The following SLC26A7 variants were observed in gnomAD, a reference collection of about 807,000 sequenced individuals.
SLC26A7 encodes the protein solute carrier family 26 member 7, also known as anion exchange transporter.
A neutral mutation model predicts 82.5 loss-of-function variants in SLC26A7; 59 were observed. The observed-to-expected ratio is 0.72, with a 90% CI of 0.58 to 0.89. The LOEUF (loss-of-function observed/expected upper bound fraction) is 0.89, where lower values mean the gene tolerates loss of function less well. SLC26A7 is among the 40% of genes least tolerant of loss of function. SLC26A7 has a pLI of 0.00. For synonymous variants in SLC26A7, 271 were observed against 274.3 expected (o/e 0.99, Z 0.12); for missense variants, 820 against 793.0 (o/e 1.03, Z -0.41).
At chr8:91,309,739 C>T (rs1323313546) in intron 4 of SLC26A7, among the ~76,000 whole-genome samples, 1 of 152,076 alleles carries the variant, frequency 6.6e-6, no homozygotes, top group African/African-American at 2.4e-5. Flanking sequence ...CACTATTTGA[C>T]CTTTTGACTT....
intron 15 of SLC26A7, among the ~76,000 whole-genome samples, chr8:91,385,661 A>G (rs1041796496): frequency 6.6e-6 from 1 of 152,222 alleles, no homozygotes; most frequent in Admixed American, 6.5e-5. Flanking sequence ...TGGATAAAAA[A>G]ATAAAGACGA....
chr8:91,291,564 G>C (rs1052881066), intron 3 of SLC26A7, among the ~76,000 whole-genome samples: 1 of 151,976 alleles, frequency 6.6e-6, no homozygotes, highest in Non-Finnish European at 1.5e-5. Flanking sequence ...AAAGAAAAAG[G>C]CAAAACAAGT....
intron 2 of SLC26A7, among the ~76,000 whole-genome samples, chr8:91,235,850 A>G (rs960344411): frequency 5.3e-5 from 8 of 152,176 alleles, no homozygotes; most frequent in Non-Finnish European, 8.8e-5. Flanking sequence ...TGTGACTTCT[A>G]TAATATGCTC....
At chr8:91,326,276 A>G (rs2130819183) in intron 5 of SLC26A7, among the ~76,000 whole-genome samples, 1 of 152,304 alleles carries the variant, frequency 6.6e-6, no homozygotes, top group African/African-American at 2.4e-5. Flanking sequence ...GGGCTGCCAC[A>G]ATAAACTATC....
chr8:91,311,747 A>C (rs1332736359), intron 4 of SLC26A7, among the ~76,000 whole-genome samples: 1 of 152,180 alleles, frequency 6.6e-6, no homozygotes, highest in Non-Finnish European at 1.5e-5. Context: ...CAATATTTAA[A>C]GGGGAAAAGC....
chr8:91,369,898 ATCT>A (rs1039355444), intron 15 of SLC26A7, 65 bp downstream of exon 15: 21 of 1,294,842 alleles, frequency 1.6e-5, no homozygotes, highest in Non-Finnish European at 2.1e-5. Context: ...AGAGAATAAA[ATCT>A]TCTTCCCCTT....
intron 2 of SLC26A7, among the ~76,000 whole-genome samples, chr8:91,255,826 T>C (rs1183973829): frequency 6.6e-6 from 1 of 152,140 alleles, no homozygotes; most frequent in Non-Finnish European, 1.5e-5. Flanking sequence ...CTGTCCATAT[T>C]GAAGAACCAT....
chr8:91,359,493 C>T (rs898931414), intron 11 of SLC26A7, among the ~76,000 whole-genome samples: 2 of 152,064 alleles, frequency 1.3e-5, no homozygotes, highest in East Asian at 3.9e-4. Context: ...TTTGTAGTCT[C>T]CTACTTAGAC....
chr8:91,362,852 T>G (rs1814087723), intron 12 of SLC26A7, among the ~76,000 whole-genome samples: 1 of 152,078 alleles, frequency 6.6e-6, no homozygotes, highest in Non-Finnish European at 1.5e-5. Flanking sequence ...ATTTTATTTT[T>G]CAGAAGTCAG....
At chr8:91,380,107 G>A (rs1462056933) in intron 15 of SLC26A7, among the ~76,000 whole-genome samples, 2 of 152,048 alleles carry the variant, frequency 1.3e-5, no homozygotes, top group Admixed American at 6.5e-5. Context: ...AACTCTATAT[G>A]TATGATATTG....
intron 11 of SLC26A7, chr8:91,357,381 TG>T (rs1208364220): frequency 1.3e-5 from 2 of 152,226 alleles, no homozygotes. Flanking sequence ...CTGGCTTCAT[TG>T]ATGCTGATTT....
chr8:91,288,510 C>A (rs1398998788), intron 2 of SLC26A7, among the ~76,000 whole-genome samples: 1 of 152,176 alleles, frequency 6.6e-6, no homozygotes, highest in Non-Finnish European at 1.5e-5. Context: ...ATTTCTTACT[C>A]CTTGAGTAAG....
intron 4 of SLC26A7, among the ~76,000 whole-genome samples, chr8:91,309,832 AC>A (rs1315015356): frequency 6.6e-6 from 1 of 152,162 alleles, no homozygotes; most frequent in African/African-American, 2.4e-5. Context: ...GTCTGCATGT[AC>A]GGTGGCTTGC....
chr8:91,357,704 G>T (rs1813912143), intron 11 of SLC26A7, among the ~76,000 whole-genome samples: 1 of 151,290 alleles, frequency 6.6e-6, no homozygotes, highest in Admixed American at 6.6e-5. Flanking sequence ...CATGGGCAAG[G>T]ACTTCATGTC....
At position 91,395,279 on chromosome 8, in the gene SLC26A7, TG is replaced by T; in HGVS notation, c.*183del. Reference sequence around the variant, plus strand: ...ACTGCCAACTTTTTTTTCTCATTTTTGTTAGTAAGAAGATTCGCTTAGTTAT... The same window carrying T: ...ACTGCCAACTTTTTTTTCTCATTTTTTTAGTAAGAAGATTCGCTTAGTTAT... On this transcript the variant is annotated 3_prime_UTR_variant, in exon 19 of 19. Coordinates refer to ENST00000276609, the MANE Select transcript of SLC26A7 (RefSeq NM_052832.4). 1 of 1,384,938 alleles carries T rather than the reference TG, an allele frequency of 7.2e-7. No homozygotes were observed. The allele number at this position is 1,384,938 out of a possible 1,614,324, so 85.8% of individuals were successfully genotyped here. A position where few individuals can be genotyped will look rare whatever the true frequency, so the allele number is the denominator to read the frequency against.
chr8:91,242,135 G>A (rs1810483277), intron 2 of SLC26A7, among the ~76,000 whole-genome samples: 1 of 151,996 alleles, frequency 6.6e-6, no homozygotes, highest in African/African-American at 2.4e-5. Flanking sequence ...TTCCAGGTGG[G>A]AACTCTCTAT....
intron 2 of SLC26A7, among the ~76,000 whole-genome samples, chr8:91,260,202 C>A (rs1810924088): frequency 6.6e-6 from 1 of 152,026 alleles, no homozygotes; most frequent in Non-Finnish European, 1.5e-5. Context: ...ATAGTCATGG[C>A]AGAAGGTAAA....
At chr8:91,352,655 C>T in intron 10 of SLC26A7, among the ~76,000 whole-genome samples, 1 of 151,976 alleles carries the variant, frequency 6.6e-6, no homozygotes, top group East Asian at 1.9e-4. Flanking sequence ...TACTTATTTT[C>T]TTTTTGCTCT....
intron 16 of SLC26A7, among the ~76,000 whole-genome samples, chr8:91,392,279 C>T (rs1359712280): frequency 6.6e-6 from 1 of 152,028 alleles, no homozygotes; most frequent in Non-Finnish European, 1.5e-5. Flanking sequence ...ATGTTAAGAA[C>T]ATAGACTTTA....
Sources: gnomAD v4.1 joint callset for allele counts (sites outside exome capture counted in the v4.1 genomes callset) on GRCh38, gnomAD v4.1.1 for gene constraint, MANE v1.5 for transcripts, NCBI Gene and HGNC (gene_info 2026-07-23, HGNC 2026-07-21) for gene names.